SUMF1: variants seen among roughly 807,000 people sequenced by gnomAD.
SUMF1 encodes formylglycine-generating enzyme.
A neutral mutation model predicts 47.6 loss-of-function variants in SUMF1; 48 were observed. That is an observed-to-expected ratio of 1.01 (90% CI 0.80 to 1.28). The LOEUF is 1.28. Ranked by LOEUF, SUMF1 falls within the 50% of genes most tolerant of loss-of-function variation. The pLI is 0.00. For missense variants in SUMF1, 571 were observed against 485.4 expected (o/e 1.18, Z -1.66); for synonymous variants, 230 against 192.1 (o/e 1.20, Z -1.63).
downstream of SUMF1, among the ~76,000 whole-genome samples, chr3:4,358,373 A>AAC (rs1433622804): frequency 1.1e-4 from 17 of 152,164 alleles, no homozygotes; most frequent in Middle Eastern, 3.4e-3. Flanking sequence ...CAACAACAAC[A>AAC]AAAAACAAAA....
intron 8 of SUMF1, among the ~76,000 whole-genome samples, chr3:4,290,650 C>T (rs1697722767): frequency 6.6e-6 from 1 of 152,132 alleles, no homozygotes; most frequent in Non-Finnish European, 1.5e-5. Context: ...CTCATAGAAC[C>T]TTCTAAATCA....
rs546187468 is a variant in SUMF1, at chr3:4,169,202, C to T, written c.1015-100457G>A. On this transcript the variant is annotated intron_variant and NMD_transcript_variant, in intron 8 of 12. Transcript: ENST00000448413. ...TCTATCTACAACAGCTGCTATTAAA[C>T]TTCAGCTTCCACCTTAATCACTATT... is the stretch of plus-strand genomic sequence containing the variant. Among the ~76,000 whole-genome samples, 41 of 152,162 alleles carry T rather than the reference C, an allele frequency of 2.7e-4. 1 individual carries two copies. In the South Asian group the frequency reaches 8.5e-3, roughly 32 times the overall value.
chr3:4,307,831 G>A (rs995819586), intron 8 of SUMF1, among the ~76,000 whole-genome samples: 3 of 152,150 alleles, frequency 2.0e-5, no homozygotes, highest in Non-Finnish European at 4.4e-5. Flanking sequence ...GAAGTCAGGA[G>A]TTTAAGACCA....
intron 8 of SUMF1, among the ~76,000 whole-genome samples, chr3:4,300,672 A>G (rs1697944801): frequency 1.3e-5 from 2 of 152,328 alleles, no homozygotes; most frequent in Admixed American, 1.3e-4. Flanking sequence ...AAAGACTTGG[A>G]GAAAAAAAAG....
In SUMF1 at chr3:4,417,173, A is replaced by G. The variant is rs200342158; in HGVS notation, c.795T>C (p.Phe265=). 1.2e-6 allele frequency: 2 copies of G among 1,613,868 alleles called. No individual in the cohort carries two copies. Among genetic ancestry groups the G allele is most frequent in the Non-Finnish European group, 1.7e-6 (2 of 1,179,920 alleles). Residue 265 remains phenylalanine, a synonymous_variant, in exon 6 of 9, where the codon TTT becomes TTC. Coordinates refer to ENST00000272902, the MANE Select transcript of SUMF1 (RefSeq NM_182760.4). Reference sequence around the variant, plus strand: ...CATCCTCACCAGTGTTGGTCACCGGAAACTCGCCCTGCCAAATGTTGGCAT... The same window carrying G: ...CATCCTCACCAGTGTTGGTCACCGGGAACTCGCCCTGCCAAATGTTGGCAT... ...QHYANIWQGE[F]PVTNTGEDGF...
chr3:4,324,279 T>C (rs1698897129), intron 8 of SUMF1, among the ~76,000 whole-genome samples: 1 of 152,288 alleles, frequency 6.6e-6, no homozygotes, highest in East Asian at 1.9e-4. Context: ...TTTGGTATCA[T>C]TGTTAATAGA....
intron 7 of SUMF1, among the ~76,000 whole-genome samples, chr3:4,382,677 C>T (rs1165808288): frequency 6.6e-6 from 1 of 152,128 alleles, no homozygotes; most frequent in Non-Finnish European, 1.5e-5. Flanking sequence ...ACCCAAACGC[C>T]CACCAATGAT....
intron 3 of SUMF1, among the ~76,000 whole-genome samples, chr3:4,438,083 G>C (rs1428112014): frequency 6.6e-6 from 1 of 151,960 alleles, no homozygotes; most frequent in African/African-American, 2.4e-5. Context: ...CATTATCAAA[G>C]TAAAAGAGAA....
chr3:4,251,582 G>A (rs1005195884), intron 8 of SUMF1, among the ~76,000 whole-genome samples: 8 of 152,176 alleles, frequency 5.3e-5, no homozygotes, highest in Non-Finnish European at 8.8e-5. Context: ...AAGCTTCATT[G>A]TTGTCTTAAG....
intron 8 of SUMF1, among the ~76,000 whole-genome samples, chr3:4,200,614 T>C (rs572511499): frequency 6.6e-6 from 1 of 152,264 alleles, no homozygotes; most frequent in East Asian, 1.9e-4. Flanking sequence ...CAAGCCATGC[T>C]ACTGCTTTCC....
intron 8 of SUMF1, among the ~76,000 whole-genome samples, chr3:4,374,520 G>A (rs553571864): frequency 1.6e-4 from 24 of 152,290 alleles, no homozygotes; most frequent in African/African-American, 5.1e-4. Context: ...GACAGTTAAT[G>A]TCCTTTACTT....
chr3:4,089,130 A>T (rs1692731397), intron 8 of SUMF1, among the ~76,000 whole-genome samples: 1 of 152,140 alleles, frequency 6.6e-6, no homozygotes, highest in African/African-American at 2.4e-5. Flanking sequence ...ATGTATAATT[A>T]TCCCTCATGT....
intron 8 of SUMF1, among the ~76,000 whole-genome samples, chr3:4,162,556 T>C (rs1694603259): frequency 1.3e-5 from 2 of 152,310 alleles, no homozygotes; most frequent in South Asian, 2.1e-4. Context: ...TCAGCTGAGT[T>C]CAGCTTGGTG....
chr3:4,247,381 C>T (rs1696694528), intron 8 of SUMF1, among the ~76,000 whole-genome samples: 1 of 152,100 alleles, frequency 6.6e-6, no homozygotes, highest in South Asian at 2.1e-4. Context: ...TCAACAGGCC[C>T]CATATTACCA....
At position 4,182,245 on chromosome 3, in the gene SUMF1, T is replaced by C. The variant is rs374649621; in HGVS notation, c.1015-113500A>G. ...CATTAATCCAGAGTGTCAAATGAAT[T>C]GTCATTCTCTCAAAAATAAAATATT... On this transcript the variant is annotated intron_variant and NMD_transcript_variant, in intron 8 of 12. Transcript: ENST00000448413. Among the ~76,000 whole-genome samples, 20 of 152,104 alleles carry C rather than the reference T, an allele frequency of 1.3e-4. No individual in the cohort carries two copies. The East Asian group carries it at 3.7e-3, about 28-fold the overall frequency.
At chr3:4,315,568 G>A (rs1281968524) in intron 8 of SUMF1, among the ~76,000 whole-genome samples, 1 of 152,096 alleles carries the variant, frequency 6.6e-6, no homozygotes, top group Non-Finnish European at 1.5e-5. Context: ...GATTCCTAAG[G>A]TAAGAGTCAA....
chr3:4,372,456 T>C (rs1253471659), intron 8 of SUMF1, among the ~76,000 whole-genome samples: 1 of 152,232 alleles, frequency 6.6e-6, no homozygotes, highest in African/African-American at 2.4e-5. Context: ...ACCTATGCCA[T>C]GAACATTGCT....
At chr3:4,275,518 A>G (rs1479759548) in intron 8 of SUMF1, among the ~76,000 whole-genome samples, 1 of 152,178 alleles carries the variant, frequency 6.6e-6, no homozygotes. Flanking sequence ...CCTCCATCCC[A>G]GCAGACCTTC....
intron 8 of SUMF1, among the ~76,000 whole-genome samples, chr3:4,149,494 CA>C (rs1396408683): frequency 1.3e-5 from 2 of 152,114 alleles, no homozygotes; most frequent in Non-Finnish European, 2.9e-5. Context: ...ACTGAGCCAA[CA>C]TAATGACACA....
Sources: gnomAD v4.1 joint callset for allele counts (sites outside exome capture counted in the v4.1 genomes callset) on GRCh38, gnomAD v4.1.1 for gene constraint, MANE v1.5 for transcripts, NCBI Gene and HGNC (gene_info 2026-07-23, HGNC 2026-07-21) for gene names.